The following PSMB5 variants were observed in gnomAD, a reference collection of about 807,000 sequenced individuals.
PSMB5 encodes proteasome subunit beta type-5.
A neutral mutation model predicts 22.8 loss-of-function variants in PSMB5; 2 were observed. The ratio of observed to expected loss-of-function variants is 0.09; its 90% CI spans 0.04 to 0.28. The LOEUF (loss-of-function observed/expected upper bound fraction) is 0.28. Among genes scored for constraint, PSMB5 ranks in the 10% least tolerant of loss-of-function variants. The pLI, the probability that PSMB5 is intolerant of heterozygous loss-of-function variation, is 1.00. For synonymous variants in PSMB5, 133 were observed against 135.3 expected, an observed-to-expected ratio of 0.98 and a Z score of 0.12; for missense variants, 269 against 343.8, an observed-to-expected ratio of 0.78 and a Z score of 1.72.
Position 23,034,859 on chromosome 14 carries a change from T to G in PSMB5, c.23A>C (p.Glu8Ala). 6.2e-7 allele frequency: 1 copy of G among 1,614,146 alleles called. No individual in the cohort carries two copies. The highest frequency in any genetic ancestry group is 1.1e-5 in the South Asian group (1 of 91,076). Reference sequence around the variant, plus strand: ...GCGCTGGTTCACCGGTAGCGGTCTCTCCAACACGCTGGCAAGCGCCATGTC... The same window carrying G: ...GCGCTGGTTCACCGGTAGCGGTCTCGCCAACACGCTGGCAAGCGCCATGTC... Reference protein sequence around the residue: MALASVLERPLPVNQRGF... With the variant: MALASVLARPLPVNQRGF... Residue 8 changes from glutamate to alanine, a missense_variant, in exon 1 of 3, where the codon GAG becomes GCG. Transcript: ENST00000361611.
At chr14:23,033,007 A>G (rs1279587417) in intron 2 of PSMB5, among the ~76,000 whole-genome samples, 1 of 145,330 alleles carries the variant, frequency 6.9e-6, no homozygotes, top group Non-Finnish European at 1.5e-5. Context: ...CCTGGGTTCA[A>G]GCAATTCTCA....
At chr14:23,026,695 C>T (rs1305385434) in intron 2 of PSMB5, among the ~76,000 whole-genome samples, 1 of 151,432 alleles carries the variant, frequency 6.6e-6, no homozygotes, top group Non-Finnish European at 1.5e-5. Flanking sequence ...GGGGATCTGC[C>T]CTTCTCGGAC....
At chr14:23,030,862 T>C (rs2046948068) in intron 2 of PSMB5, among the ~76,000 whole-genome samples, 1 of 151,842 alleles carries the variant, frequency 6.6e-6, no homozygotes, top group South Asian at 2.1e-4. Context: ...GAGGTGGAGG[T>C]TGCAATGAAC....
chr14:23,029,510 C>T (rs2046938223), intron 2 of PSMB5, among the ~76,000 whole-genome samples: 1 of 152,216 alleles, frequency 6.6e-6, no homozygotes, highest in Admixed American at 6.5e-5. Flanking sequence ...CTCCTCAAAA[C>T]TCCTTCCGCA....
intron 2 of PSMB5, among the ~76,000 whole-genome samples, chr14:23,029,982 C>T (rs1342858283): frequency 2.0e-5 from 3 of 151,986 alleles, no homozygotes; most frequent in East Asian, 3.9e-4. Context: ...GGGGTTTCAC[C>T]GTGTTAGCCA....
intron 2 of PSMB5, among the ~76,000 whole-genome samples, chr14:23,032,296 T>TATTTGTATTTTTACCACC (rs2046958483): frequency 6.6e-6 from 1 of 151,760 alleles, no homozygotes; most frequent in Non-Finnish European, 1.5e-5. Context: ...AATATAAAAT[T>TATTTGTATTTTTACCACC]AGCTGGGCAT....
chr14:23,030,711 G>A (rs1021430680), intron 2 of PSMB5, among the ~76,000 whole-genome samples: 3 of 151,938 alleles, frequency 2.0e-5, no homozygotes, highest in South Asian at 2.1e-4. Flanking sequence ...TGGATCACCC[G>A]AGGTCAGGAG....
chr14:23,026,072 G>C lies in PSMB5; in HGVS notation c.*17C>G. 4 of 1,611,950 alleles carry C rather than the reference G, an allele frequency of 2.5e-6. No homozygotes were observed. Among genetic ancestry groups the C allele is most frequent in the Non-Finnish European group, 3.4e-6 (4 of 1,178,324 alleles). ...ACAGTCACCCCAAGAAACACAAGCA[G>C]CTGCATCCACCCTCTTTCAGGGGGT... On this transcript the variant is annotated 3_prime_UTR_variant, in exon 3 of 3. Transcript: ENST00000361611.
intron 2 of PSMB5, among the ~76,000 whole-genome samples, chr14:23,030,632 C>T (rs1470361594): frequency 6.6e-6 from 1 of 152,156 alleles, no homozygotes; most frequent in Admixed American, 6.5e-5. Context: ...CCTGCAGAAC[C>T]TGCATATATG....
rs1293704736 is a variant in PSMB5 at position 23,033,508 on chromosome 14, C to T, written c.365G>A (p.Cys122Tyr). Residue 122 changes from cysteine to tyrosine, a missense_variant, in exon 2 of 3, where the codon TGT becomes TAT. Transcript: ENST00000361611. ...CTTATTTCGAAGCTCATAGATTCGA[C>T]ATTGCCGAGCCAACAGCCGTTCCCA... ...SFWERLLARQ[C>Y]RIYELRNKER... 6.2e-7 allele frequency: 1 copy of T among 1,614,158 alleles called. No individual in the cohort carries two copies. The highest frequency in any genetic ancestry group is 8.5e-7 in the Non-Finnish European group (1 of 1,180,046).
At chr14:23,027,018 G>T (rs2046919149) in intron 2 of PSMB5, among the ~76,000 whole-genome samples, 1 of 150,234 alleles carries the variant, frequency 6.7e-6, no homozygotes, top group Admixed American at 6.6e-5. Flanking sequence ...GGAGGCAAAG[G>T]TTGCGGTAAG....
At chr14:23,032,621 CAG>C (rs1241971319) in intron 2 of PSMB5, among the ~76,000 whole-genome samples, 6 of 151,106 alleles carry the variant, frequency 4.0e-5, no homozygotes, top group South Asian at 2.1e-4. Context: ...TTTTTTGAGA[CAG>C]AGTCTCGCTC....
chr14:23,028,165 T>C (rs2046929850), intron 2 of PSMB5, among the ~76,000 whole-genome samples: 1 of 135,608 alleles, frequency 7.4e-6, no homozygotes, highest in Non-Finnish European at 1.6e-5. Context: ...AAACAAAACA[T>C]AATCCCCACT....
At position 23,032,889 on chromosome 14, in the gene PSMB5, G is replaced by A. The variant is rs191748232; in HGVS notation, c.505+479C>T. ...TGGGATTACAGGAGTGAGCCACCAC[G>A]CCCGGCCTTCAACGAATTCTTAAAT... On this transcript the variant is annotated intron_variant, in intron 2 of 2. Transcript: ENST00000361611. Among the ~76,000 whole-genome samples the A allele has an allele frequency of 3.2e-3, 476 of 150,390 alleles. 2 individuals are homozygous for A. The highest frequency in any genetic ancestry group is 4.3e-3 in the Non-Finnish European group (292 of 67,602).
chr14:23,033,763 G>T, intron 1 of PSMB5, 89 bp from the exon 2 acceptor site: 2 of 1,164,064 alleles, frequency 1.7e-6, no homozygotes, highest in Non-Finnish European at 2.4e-6. Flanking sequence ...TCCAAACCCA[G>T]CACATCTCTT....
At chr14:23,028,076 G>A (rs2139914073) in intron 2 of PSMB5, among the ~76,000 whole-genome samples, 1 of 152,218 alleles carries the variant, frequency 6.6e-6, no homozygotes, top group African/African-American at 2.4e-5. Flanking sequence ...CTGGGAGGTG[G>A]AGTTTGCAGT....
chr14:23,027,329 C>T (rs1004812427), intron 2 of PSMB5, among the ~76,000 whole-genome samples: 3 of 146,682 alleles, frequency 2.0e-5, no homozygotes, highest in East Asian at 2.0e-4. Flanking sequence ...TGCGGTGAGC[C>T]GAGATCGCGC....
chr14:23,032,215 C>T (rs1339959853), intron 2 of PSMB5, among the ~76,000 whole-genome samples: 5 of 150,792 alleles, frequency 3.3e-5, no homozygotes, highest in African/African-American at 1.2e-4. Flanking sequence ...GAGGCTGAGG[C>T]GGGTGAATCA....
intron 2 of PSMB5, among the ~76,000 whole-genome samples, chr14:23,032,875 G>C (rs2046963444): frequency 6.7e-6 from 1 of 149,832 alleles, no homozygotes; most frequent in Non-Finnish European, 1.5e-5. Flanking sequence ...GGGATTACAG[G>C]AGTGAGCCAC....
Sources: allele counts gnomAD v4.1 joint callset (sites outside exome capture counted in the v4.1 genomes callset), GRCh38; gene constraint gnomAD v4.1.1; transcripts MANE v1.5; gene names NCBI Gene and HGNC (gene_info 2026-07-23, HGNC 2026-07-21).